The following UBE3C variants were observed in gnomAD, a reference collection of about 807,000 sequenced individuals.
UBE3C encodes the protein ubiquitin protein ligase E3C.
UBE3C carries 42 observed loss-of-function variants against 129.4 expected under a neutral mutation model. That is an observed-to-expected ratio of 0.32 (90% confidence interval 0.25 to 0.42). UBE3C has a LOEUF of 0.42. Ranked by LOEUF, UBE3C falls within the 10% of genes least tolerant of loss-of-function variation. UBE3C has a pLI of 1.00. For missense variants in UBE3C, 1,049 were observed against 1,319.1 expected (o/e 0.80, Z 3.17); for synonymous variants, 510 against 492.4 (o/e 1.04, Z -0.47).
In UBE3C at chr7:157,225,540, G is replaced by GTA. The variant is rs555363990; in HGVS notation, c.2233+8_2233+9dup. The GTA allele has an allele frequency of 2.3e-5, 36 of 1,581,008 alleles. 1 individual carries two copies. The South Asian group carries it at 3.5e-4, about 16-fold the overall frequency. ...TATGACAAACTTTCTCCAGAAAATG[G>GTA]TATATATAATTCTTTCTGTGTATTA... On this transcript the variant is annotated splice_donor_variant, in intron 17 of 22. Coordinates refer to ENST00000348165, the MANE Select transcript of UBE3C (RefSeq NM_014671.3). LOFTEE classifies it high-confidence loss of function.
Position 157,225,419 on chromosome 7 carries a change from T to C in UBE3C, c.2113T>C (p.Leu705=), listed in dbSNP as rs185398582. The C allele has an allele frequency of 6.9e-6, 11 of 1,603,630 alleles. No individual in the cohort carries two copies. The highest frequency in any genetic ancestry group is 4.5e-5 in the East Asian group (2 of 44,558). Residue 705 remains leucine, a synonymous_variant, in exon 17 of 23, where the codon TTG becomes CTG. Transcript: ENST00000348165. The part of the protein sequence containing the change: ...FEERVKIFQR[L]IYADKQEVQG... ...CCTTGTTTGTTAGATCTTTCAGAGGTTGATTTATGCAGATAAGCAAGAAGT... is the reference window on the plus strand; with the variant it reads ...CCTTGTTTGTTAGATCTTTCAGAGGCTGATTTATGCAGATAAGCAAGAAGT...
Position 157,174,932 on chromosome 7 carries a change from A to C in UBE3C, c.356A>C (p.Gln119Pro). The C allele has an allele frequency of 6.2e-7, 1 of 1,610,214 alleles. No homozygotes were observed. The change falls in exon 5 of 23, where the codon CAG (glutamine) becomes CCG (proline). Residue 119 changes from glutamine (Q) to proline (P), a missense_variant. Gln to Pro is a moderately conservative substitution (Grantham distance 76). Coordinates refer to ENST00000348165, the MANE Select transcript of UBE3C (RefSeq NM_014671.3). ...TTGCTGTTTCAGATATGGCTGTATC[A>C]GAACTTAATTAAACACAGCTCTCTG... ...EDSKRLIWLY[Q>P]NLIKHSSLFV...
chr7:157,216,907 C>T lies in UBE3C; in HGVS notation c.1850C>T (p.Thr617Met), dbSNP rs372775416. The change falls in exon 14 of 23, where the codon ACG becomes ATG. Residue 617 changes from threonine to methionine, a missense_variant. Physicochemically the swap from Thr to Met is moderately conservative, Grantham distance 81 (BLOSUM62 -1). This residue lies in a region of UBE3C where 314 missense variants were observed against 416.9 expected (regional missense o/e 0.75). Coordinates refer to ENST00000348165, the MANE Select transcript of UBE3C (RefSeq NM_014671.3). ...NLVKMLKSRD[T>M]RRNFCPPNHW... The stretch of plus-strand genomic sequence containing the variant: ...GTGAAAATGTTGAAGTCCAGAGACA[C>T]GAGGAGAAATTTTTGTCCTCCAAAC... 13 of 1,613,772 alleles carry T rather than the reference C, an allele frequency of 8.1e-6. No homozygotes were observed. The highest frequency in any genetic ancestry group is 2.2e-5 in the South Asian group (2 of 91,070).
At chr7:157,238,594 G>A (rs1262619045) in intron 18 of UBE3C, among the ~76,000 whole-genome samples, 1 of 152,182 alleles carries the variant, frequency 6.6e-6, no homozygotes, top group Non-Finnish European at 1.5e-5. Flanking sequence ...GGCAGGAGCA[G>A]GTGTGGAGAG....
intron 3 of UBE3C, among the ~76,000 whole-genome samples, 194 bp downstream of exon 3, chr7:157,169,316 A>G (rs1808301268): frequency 6.6e-6 from 1 of 152,190 alleles, no homozygotes; most frequent in Non-Finnish European, 1.5e-5. Flanking sequence ...ATAATAAAAT[A>G]CAAACATGGG....
chr7:157,175,061 G>A (rs182171073), intron 5 of UBE3C, 27 bp downstream of exon 5: 594 of 1,514,832 alleles, frequency 3.9e-4, no homozygotes, highest in Middle Eastern at 2.3e-3. Context: ...AGTCAGTAAC[G>A]TATATAATGT....
intron 17 of UBE3C, among the ~76,000 whole-genome samples, chr7:157,229,924 A>ATT (rs34371551): frequency 2.3e-5 from 2 of 88,468 alleles, no homozygotes; most frequent in Non-Finnish European, 6.2e-5. Context: ...TAATTTATTT[A>ATT]TTTTTTTTTT....
rs181279243 is a variant in UBE3C, at chr7:157,267,461, G to C, written c.3082-124G>C. ...ACAACAACAAAGCAAATGTGGTTTC[G>C]GGAAAATGTGACTGCAATGGTAACT... On this transcript the variant is annotated intron_variant, in intron 22 of 22. Coordinates refer to ENST00000348165, the MANE Select transcript of UBE3C (RefSeq NM_014671.3). 1.1e-4 allele frequency: 128 copies of C among 1,215,152 alleles called. No homozygotes were observed. In the African/African-American group the frequency reaches 1.4e-3, roughly 13 times the overall value. The allele number at this position is 1,215,152 out of a possible 1,614,324, so 75.3% of individuals were successfully genotyped here. A position where few individuals can be genotyped will look rare whatever the true frequency, so the allele number is the denominator to read the frequency against.
intron 22 of UBE3C, among the ~76,000 whole-genome samples, chr7:157,258,703 A>G (rs1210754031): frequency 6.6e-6 from 1 of 151,860 alleles, no homozygotes; most frequent in Admixed American, 6.6e-5. Context: ...CAGGTGATCC[A>G]CCTACCTCAG....
At chr7:157,233,231 G>A (rs1796069006) in intron 18 of UBE3C, among the ~76,000 whole-genome samples, 1 of 152,114 alleles carries the variant, frequency 6.6e-6, no homozygotes, top group African/African-American at 2.4e-5. Context: ...TAGTATGTCA[G>A]AGCTTCACTC....
chr7:157,159,954 C>T lies in UBE3C; in HGVS notation c.67-3856C>T, dbSNP rs1057351839. ...CTTCCTCTTAAACTAAGCAGCGTAG[C>T]GTCTCGTATTCTTTTGTTGTGATTA... On this transcript the variant is annotated intron_variant, in intron 1 of 22. Coordinates refer to ENST00000348165, the MANE Select transcript of UBE3C (RefSeq NM_014671.3). 3.9e-5 allele frequency among the ~76,000 whole-genome samples: 6 copies of T among 152,150 alleles called. No homozygotes were observed. The South Asian group carries it at 1.0e-3, about 26-fold the overall frequency.
intron 5 of UBE3C, among the ~76,000 whole-genome samples, chr7:157,177,546 C>T (rs964789415): frequency 6.6e-6 from 1 of 152,350 alleles, no homozygotes; most frequent in East Asian, 1.9e-4. Flanking sequence ...CACCGCCCGC[C>T]GCTGCCCTTT....
intron 1 of UBE3C, among the ~76,000 whole-genome samples, chr7:157,157,672 A>G (rs1204422169): frequency 1.3e-5 from 2 of 152,192 alleles, no homozygotes; most frequent in Non-Finnish European, 2.9e-5. Context: ...AACCTAAATG[A>G]CCATTAAAAT....
intron 17 of UBE3C, among the ~76,000 whole-genome samples, chr7:157,229,342 T>C (rs540190811): frequency 6.6e-6 from 1 of 152,362 alleles, no homozygotes; most frequent in East Asian, 1.9e-4. Flanking sequence ...GAAATGGAAC[T>C]TCTCTCTTGT....
chr7:157,246,707 G>A (rs1404625345), intron 18 of UBE3C, among the ~76,000 whole-genome samples: 2 of 151,968 alleles, frequency 1.3e-5, no homozygotes, highest in Non-Finnish European at 2.9e-5. Flanking sequence ...CCTCATTCTC[G>A]GGCAAAAATT....
At chr7:157,238,643 G>A (rs1444911229) in intron 18 of UBE3C, among the ~76,000 whole-genome samples, 3 of 152,110 alleles carry the variant, frequency 2.0e-5, no homozygotes, top group Admixed American at 2.0e-4. Context: ...GGGCAGTTGA[G>A]GATAGGGGCC....
At chr7:157,170,233 A>G in intron 3 of UBE3C, 71 bp from the exon 4 acceptor site, 1 of 1,291,656 alleles carries the variant, frequency 7.7e-7, no homozygotes, top group East Asian at 2.8e-5. Context: ...ACAGCAACGT[A>G]TATTTACATC....
At chr7:157,171,338 G>A (rs1186751343) in intron 4 of UBE3C, among the ~76,000 whole-genome samples, 1 of 151,468 alleles carries the variant, frequency 6.6e-6, no homozygotes, top group Non-Finnish European at 1.5e-5. Context: ...ATGTTGGCCA[G>A]GCTAGCCTCC....
At chr7:157,193,658 TGTC>T (rs1162665397) in intron 10 of UBE3C, among the ~76,000 whole-genome samples, 5 of 134,016 alleles carry the variant, frequency 3.7e-5, no homozygotes, top group African/African-American at 1.6e-4. Flanking sequence ...TTCAGAAATT[TGTC>T]TTTTTTTTTT....
Sources: gnomAD v4.1 joint callset for allele counts (sites outside exome capture counted in the v4.1 genomes callset) on GRCh38, gnomAD v4.1.1 for gene constraint, gnomAD v4.1.1 regional missense constraint, MANE v1.5 for transcripts, NCBI Gene and HGNC (gene_info 2026-07-23, HGNC 2026-07-21) for gene names.